The following TC2N variants were observed in gnomAD, a reference collection of about 807,000 sequenced individuals.
TC2N encodes tandem C2 domains, nuclear, also known as tandem C2 domains nuclear protein.
A neutral mutation model predicts 61.9 loss-of-function variants in TC2N; 51 were observed. The observed-to-expected ratio is 0.82, with a 90% CI of 0.66 to 1.04. The LOEUF is 1.04. Among genes scored for constraint, TC2N ranks in the 50% least tolerant of loss-of-function variants. The pLI is 0.00. For synonymous variants in TC2N, 204 were observed against 192.6 expected (o/e 1.06, Z -0.49); for missense variants, 556 against 566.7 (o/e 0.98, Z 0.19).
At chr14:91,836,577 A>AGGCGCGAGGCAAGGCGGGGAGG (rs1888019890) in intron 1 of TC2N, 8 of 80,738 alleles carry the variant, frequency 9.9e-5, no homozygotes, top group Admixed American at 2.4e-4. Context: ...CTAAGGGGCG[A>AGGCGCGAGGCAAGGCGGGGAGG]GGCGAGGCAA....
intron 1 of TC2N, among the ~76,000 whole-genome samples, chr14:91,839,410 C>T (rs1888123814): frequency 6.6e-6 from 1 of 152,200 alleles, no homozygotes; most frequent in Non-Finnish European, 1.5e-5. Context: ...AGCATAACCA[C>T]CACAATCCAT....
At chr14:91,846,628 T>C (rs113739479) in intron 1 of TC2N, among the ~76,000 whole-genome samples, 4 of 152,212 alleles carry the variant, frequency 2.6e-5, no homozygotes, top group Non-Finnish European at 5.9e-5. Context: ...TTTGATTCCA[T>C]CCCTTTACTC....
At chr14:91,814,586 G>A (rs1204045794) in intron 1 of TC2N, among the ~76,000 whole-genome samples, 2 of 150,542 alleles carry the variant, frequency 1.3e-5, no homozygotes, top group African/African-American at 4.9e-5. Flanking sequence ...GAAAAGGAGA[G>A]GGGAAAACAC....
At chr14:91,812,593 T>A (rs775926865) in intron 2 of TC2N, 48 bp from the exon 3 acceptor site, 13 of 910,098 alleles carry the variant, frequency 1.4e-5, no homozygotes, top group Non-Finnish European at 2.1e-5. Context: ...ATAGGTTACA[T>A]ATAATAATCT....
At chr14:91,784,028 G>C (rs1034868318) in intron 11 of TC2N, among the ~76,000 whole-genome samples, 3 of 152,004 alleles carry the variant, frequency 2.0e-5, no homozygotes, top group Non-Finnish European at 4.4e-5. Flanking sequence ...TGATACAGGG[G>C]TGGAAGACCT....
chr14:91,813,219 TGA>T (rs1405726380), intron 2 of TC2N, among the ~76,000 whole-genome samples: 2 of 151,818 alleles, frequency 1.3e-5, no homozygotes, highest in African/African-American at 4.8e-5. Context: ...TTAATAAATG[TGA>T]GTCTTCATAG....
intron 1 of TC2N, among the ~76,000 whole-genome samples, chr14:91,858,197 T>C (rs558207215): frequency 6.7e-6 from 1 of 150,250 alleles, no homozygotes; most frequent in African/African-American, 2.4e-5. Context: ...TTCACTATAT[T>C]TCCTAGGCTG....
intron 1 of TC2N, among the ~76,000 whole-genome samples, chr14:91,863,116 TG>T: frequency 6.6e-6 from 1 of 152,342 alleles, no homozygotes; most frequent in Admixed American, 6.5e-5. Context: ...ATGCCAGCCT[TG>T]GGGCGGAAAC....
At chr14:91,788,629 A>AAAC (rs1014560740) in intron 9 of TC2N, among the ~76,000 whole-genome samples, 1 of 152,172 alleles carries the variant, frequency 6.6e-6, no homozygotes, top group South Asian at 2.1e-4. Flanking sequence ...TCATTGGGAA[A>AAAC]AACAACAACA....
At chr14:91,803,420 C>CAG (rs1309003871) in intron 3 of TC2N, among the ~76,000 whole-genome samples, 1 of 69,350 alleles carries the variant, frequency 1.4e-5, no homozygotes, top group African/African-American at 5.2e-5. Flanking sequence ...CATACACACA[C>CAG]ACACACACAT....
chr14:91,856,292 C>T (rs999747276), intron 1 of TC2N, among the ~76,000 whole-genome samples: 1 of 152,050 alleles, frequency 6.6e-6, no homozygotes, highest in Non-Finnish European at 1.5e-5. Flanking sequence ...AGTTTGAGAC[C>T]AGCTTGGCCA....
intron 2 of TC2N, 35 bp downstream of exon 2, chr14:91,813,668 T>C: frequency 7.0e-7 from 1 of 1,419,544 alleles, no homozygotes; most frequent in Non-Finnish European, 9.9e-7. Flanking sequence ...AAGAAGATGC[T>C]ACATAAATGT....
chr14:91,819,743 A>G (rs976906775), intron 1 of TC2N, among the ~76,000 whole-genome samples: 2 of 152,190 alleles, frequency 1.3e-5, no homozygotes, highest in African/African-American at 2.4e-5. Context: ...ACTAAAATGT[A>G]TTACATCAAT....
At chr14:91,820,394 T>C (rs1366331863) in intron 1 of TC2N, among the ~76,000 whole-genome samples, 1 of 151,930 alleles carries the variant, frequency 6.6e-6, no homozygotes, top group Non-Finnish European at 1.5e-5. Flanking sequence ...TCTCAATAGA[T>C]ACAAAAATTT....
intron 3 of TC2N, among the ~76,000 whole-genome samples, chr14:91,803,581 T>A (rs1886367056): frequency 6.6e-6 from 1 of 151,910 alleles, no homozygotes; most frequent in African/African-American, 2.4e-5. Flanking sequence ...GCCTCCGAAG[T>A]AGCTGGGATT....
At chr14:91,830,783 C>T (rs1044011582) in intron 1 of TC2N, among the ~76,000 whole-genome samples, 5 of 152,146 alleles carry the variant, frequency 3.3e-5, no homozygotes, top group Non-Finnish European at 7.4e-5. Context: ...TAATATAAAA[C>T]TTCTCCCCAT....
At chr14:91,865,467 T>C (rs1290083403) in intron 1 of TC2N, among the ~76,000 whole-genome samples, 1 of 151,562 alleles carries the variant, frequency 6.6e-6, no homozygotes, top group African/African-American at 2.4e-5. Flanking sequence ...GACTAAGAAA[T>C]TTGAAAACAA....
intron 8 of TC2N, among the ~76,000 whole-genome samples, chr14:91,797,247 AATG>A (rs768264151): frequency 1.1e-3 from 162 of 152,176 alleles, no homozygotes; most frequent in Non-Finnish European, 1.6e-3. Flanking sequence ...TAGTCATTTG[AATG>A]ATATTATTTT....
chr14:91,829,097 G>C (rs970465630), intron 1 of TC2N, among the ~76,000 whole-genome samples: 1 of 151,092 alleles, frequency 6.6e-6, no homozygotes, highest in Non-Finnish European at 1.5e-5. Context: ...GTAATGTTAA[G>C]ATTTTTCTCT....
Sources: allele counts gnomAD v4.1 joint callset (sites outside exome capture counted in the v4.1 genomes callset), GRCh38; gene constraint gnomAD v4.1.1; transcripts MANE v1.5; gene names NCBI Gene and HGNC (gene_info 2026-07-23, HGNC 2026-07-21).